Variants in CDH23 observed in about 807,000 individuals in gnomAD.
The protein encoded by CDH23 is cadherin related 23.
Under a neutral mutation model 317.1 loss-of-function variants are expected in CDH23, and 189 were observed. The observed-to-expected ratio is 0.60, with a 90% CI of 0.53 to 0.67. CDH23 has a LOEUF of 0.67. Among genes scored for constraint, CDH23 ranks in the 30% least tolerant of loss-of-function variants. The pLI is 0.00. For missense variants in CDH23, 4,401 were observed against 4,592.4 expected (o/e 0.96, Z 1.20); for synonymous variants, 1,839 against 1,876.8 (o/e 0.98, Z 0.52).
chr10:71,741,858 C>T lies in CDH23; in HGVS notation c.4782C>T (p.Arg1594=), dbSNP rs756336099. 4.7e-5 allele frequency: 76 copies of T among 1,610,894 alleles called. No homozygotes were observed. In the South Asian group the frequency reaches 4.9e-4, roughly 10 times the overall value. ...EIATRPAPPD[R]ERQSFYHLVA... is the part of the protein sequence containing the mutation. The stretch of plus-strand genomic sequence containing the variant: ...CCACACGGCCTGCCCCGCCTGACCG[C>T]GAGCGCCAGAGCTTCTACCACCTGG... The change falls in exon 38 of 70, where the codon CGC becomes CGT. Residue 1594 remains arginine, a synonymous_variant. Transcript: ENST00000224721.
chr10:71,773,535 G>T, intron 38 of CDH23: 1 of 1,239,706 alleles, frequency 8.1e-7, no homozygotes, highest in Non-Finnish European at 1.1e-6. Flanking sequence ...GCGAGCGAGT[G>T]AGCGCTGCGG....
intron 3 of CDH23, among the ~76,000 whole-genome samples, chr10:71,453,150 T>C (rs956600980): frequency 1.3e-5 from 2 of 152,200 alleles, no homozygotes; most frequent in Non-Finnish European, 2.9e-5. Flanking sequence ...AAGGTGATCA[T>C]GCCATGCTAA....
chr10:71,478,889 C>CT (rs1851926771), intron 3 of CDH23, among the ~76,000 whole-genome samples: 1 of 152,182 alleles, frequency 6.6e-6, no homozygotes, highest in South Asian at 2.1e-4. Flanking sequence ...TTTTCTTCTT[C>CT]TTTTTTATAA....
intron 68 of CDH23, 100 bp downstream of exon 68, chr10:71,812,990 C>A: frequency 1.3e-6 from 2 of 1,532,366 alleles, no homozygotes; most frequent in Non-Finnish European, 8.8e-7. Context: ...TCAGCTAGAC[C>A]CACCCTCCAC....
intron 8 of CDH23, among the ~76,000 whole-genome samples, chr10:71,571,125 C>G (rs1409470524): frequency 6.6e-6 from 1 of 152,220 alleles, no homozygotes; most frequent in Non-Finnish European, 1.5e-5. Flanking sequence ...TCACTCTACC[C>G]AAGGGGCTCT....
At chr10:71,790,214 C>T (rs911768976) in intron 45 of CDH23, 74 bp from the exon 46 acceptor site, 11 of 1,567,570 alleles carry the variant, frequency 7.0e-6, no homozygotes, top group South Asian at 2.3e-5. Flanking sequence ...CATGGCTCAC[C>T]GGGACAGGGC....
intron 11 of CDH23, among the ~76,000 whole-genome samples, chr10:71,625,192 G>T (rs1204114023): frequency 6.6e-6 from 1 of 151,880 alleles, no homozygotes; most frequent in African/African-American, 2.4e-5. Context: ...CAGTCACAGG[G>T]CTCAAATCCA....
At position 71,646,585 on chromosome 10, in the gene CDH23, G is replaced by T. The variant is rs771847607; in HGVS notation, c.1417G>T (p.Val473Phe). The T allele has an allele frequency of 6.2e-7, 1 of 1,613,874 alleles. No homozygotes were observed. Among genetic ancestry groups the T allele is most frequent in the Non-Finnish European group, 8.5e-7 (1 of 1,179,904 alleles). The part of the protein sequence containing the change: ...PLYNISLYEN[V>F]TVGTSVLTVL... ...GTACAACATCAGCCTGTACGAGAAC[G>T]TCACCGTGGGGACCTCTGTGCTGAC... Residue 473 changes from valine (V) to phenylalanine (F), a missense_variant, in exon 14 of 70, where the codon GTC becomes TTC. By Grantham distance (50) the Val-to-Phe change is conservative. This residue lies in a region of CDH23 where 3,068 missense variants were observed against 3,203.3 expected (regional missense o/e 0.96). Coordinates refer to ENST00000224721, the MANE Select transcript of CDH23 (RefSeq NM_022124.6).
chr10:71,595,002 G>C (rs1859744725), intron 9 of CDH23, among the ~76,000 whole-genome samples: 1 of 152,246 alleles, frequency 6.6e-6, no homozygotes, highest in Admixed American at 6.5e-5. Flanking sequence ...TGAGATATCA[G>C]CCAAGGGCTT....
intron 56 of CDH23, 35 bp downstream of exon 56, chr10:71,806,032 G>T (rs1356195551): frequency 6.5e-6 from 10 of 1,548,344 alleles, no homozygotes; most frequent in African/African-American, 4.1e-5. Context: ...GGCGGGGTCT[G>T]GGGCGGGGCT....
At chr10:71,809,447 G>A (rs956128811) in intron 60 of CDH23, among the ~76,000 whole-genome samples, 3 of 152,114 alleles carry the variant, frequency 2.0e-5, no homozygotes, top group African/African-American at 7.2e-5. Context: ...CCAAAGTGTT[G>A]AGATTCAGGC....
At chr10:71,425,235 GA>G (rs1564571431) in intron 1 of CDH23, among the ~76,000 whole-genome samples, 1 of 50,320 alleles carries the variant, frequency 2.0e-5, no homozygotes, top group African/African-American at 2.3e-4. Context: ...GAGAGAGGGA[GA>G]GAGAGAGAGA....
intron 8 of CDH23, among the ~76,000 whole-genome samples, chr10:71,576,639 T>A (rs1196291207): frequency 1.3e-5 from 2 of 152,126 alleles, no homozygotes; most frequent in African/African-American, 4.8e-5. Flanking sequence ...GACAGGCTTA[T>A]CTTGCTCTCC....
Position 71,741,763 on chromosome 10 carries a change from C to A in CDH23, c.4687C>A (p.Leu1563Met), listed in dbSNP as rs1446824013. 1.2e-6 allele frequency: 2 copies of A among 1,612,820 alleles called. No individual in the cohort carries two copies. Among genetic ancestry groups the A allele is most frequent in the East Asian group, 4.5e-5 (2 of 44,876 alleles). ...TDRDIGINSV[L>M]SYYITEGNKD... ...CCGTGACATCGGGATCAACAGTGTT[C>A]TGTCCTACTACATCACCGAGGGCAA... Residue 1563 changes from leucine (L) to methionine (M), a missense_variant, in exon 38 of 70, where the codon CTG (leucine) becomes ATG (methionine). By Grantham distance (15) the Leu-to-Met change is conservative. Around this residue, in one of 3 missense-constraint regions of CDH23, gnomAD observed 3,068 missense variants for 3,203.3 expected, o/e 0.96. Transcript: ENST00000224721.
At chr10:71,790,583 C>T (rs1214817940) in intron 46 of CDH23, among the ~76,000 whole-genome samples, 170 bp downstream of exon 46, 1 of 152,156 alleles carries the variant, frequency 6.6e-6, no homozygotes, top group African/African-American at 2.4e-5. Context: ...CACCCAGTGG[C>T]CTGGCAGGGG....
chr10:71,664,593 GA>G (rs1462718252), intron 14 of CDH23, among the ~76,000 whole-genome samples: 1 of 152,248 alleles, frequency 6.6e-6, no homozygotes, highest in African/African-American at 2.4e-5. Context: ...AGAGCTTGTA[GA>G]ACTGGAAGTG....
intron 3 of CDH23, among the ~76,000 whole-genome samples, chr10:71,461,696 C>T (rs1461535993): frequency 1.3e-5 from 2 of 152,228 alleles, no homozygotes; most frequent in Non-Finnish European, 2.9e-5. Flanking sequence ...AGCCCTGTGC[C>T]GTGTTCCCAC....
chr10:71,793,437 C>T lies in CDH23; in HGVS notation c.6509C>T (p.Ser2170Phe). Residue 2170 changes from serine (S) to phenylalanine (F), a missense_variant, in exon 48 of 70, where the codon TCC (serine) becomes TTC (phenylalanine). Coordinates refer to ENST00000224721, the MANE Select transcript of CDH23 (RefSeq NM_022124.6). ...ATTCTGATCGATGACATCAATGACT[C>T]CCGCCCCGAGTTCCTCAACCCCATC... ...VTILIDDINDSRPEFLNPIQT... is the reference protein window; with the variant it reads ...VTILIDDINDFRPEFLNPIQT... 5 of 1,614,024 alleles carry T rather than the reference C, an allele frequency of 3.1e-6. No homozygotes were observed. The highest frequency in any genetic ancestry group is 3.4e-6 in the Non-Finnish European group (4 of 1,179,906).
At chr10:71,748,436 A>G (rs1369933380) in intron 38 of CDH23, 1 of 152,226 alleles carries the variant, frequency 6.6e-6, no homozygotes. Context: ...GGGAGTGCTG[A>G]GCAGTCCCCG....
Sources: allele counts gnomAD v4.1 joint callset (sites outside exome capture counted in the v4.1 genomes callset), GRCh38; gene constraint gnomAD v4.1.1; regional missense constraint gnomAD v4.1.1; transcripts MANE v1.5; gene names NCBI Gene and HGNC (gene_info 2026-07-23, HGNC 2026-07-21).